The following EVI2B variants were observed in gnomAD, a reference collection of about 807,000 sequenced individuals.
The protein encoded by EVI2B is protein EVI2B.
Under a neutral mutation model 6.6 loss-of-function variants are expected in EVI2B, and 4 were observed. That is an observed-to-expected ratio of 0.61 (90% CI 0.30 to 1.39). EVI2B has a LOEUF of 1.39. Ranked by LOEUF, EVI2B falls within the 40% of genes most tolerant of loss-of-function variation. EVI2B has a pLI of 0.08. For missense variants in EVI2B, 484 were observed against 516.6 expected (o/e 0.94, Z 0.61); for synonymous variants, 181 against 186.8 (o/e 0.97, Z 0.25).
chr17:31,307,773 G>A, intron 1 of EVI2B: 2 of 609,750 alleles, frequency 3.3e-6, no homozygotes, highest in East Asian at 6.8e-5. Context: ...AAAATCTTAG[G>A]GTGTTAGATA....
chr17:31,309,074 A>G (rs1342900344), intron 1 of EVI2B, among the ~76,000 whole-genome samples: 18 of 152,198 alleles, frequency 1.2e-4, no homozygotes, highest in Admixed American at 1.0e-3. Context: ...TTATTTACAG[A>G]TAAAGAGACA....
In EVI2B at chr17:31,304,551, G is replaced by C; in HGVS notation, c.1059C>G (p.Asn353Lys). 6.2e-7 allele frequency: 1 copy of C among 1,614,164 alleles called. No individual in the cohort carries two copies. The highest frequency in any genetic ancestry group is 8.5e-7 in the Non-Finnish European group (1 of 1,180,020). Residue 353 changes from asparagine to lysine, a missense_variant, in exon 2 of 2, where the codon AAC becomes AAG. Coordinates refer to ENST00000330927, the MANE Select transcript of EVI2B (RefSeq NM_006495.4). ...PLLDLEGQES[N>K]QSDKPTMTIV... ...TTGTCATTGTGGGTTTGTCAGATTG[G>C]TTACTTTCCTGTCCTTCCAAATCCA... is the stretch of plus-strand genomic sequence containing the variant.
intron 1 of EVI2B, among the ~76,000 whole-genome samples, chr17:31,310,211 A>G (rs759877763): frequency 8.5e-5 from 13 of 152,150 alleles, no homozygotes; most frequent in Non-Finnish European, 1.2e-4. Context: ...TAAAAAGGAG[A>G]TTTAGAATAA....
intron 1 of EVI2B, among the ~76,000 whole-genome samples, chr17:31,307,158 A>G (rs1420758974): frequency 6.6e-6 from 1 of 152,008 alleles, no homozygotes; most frequent in African/African-American, 2.4e-5. Context: ...AGTAGCTGGG[A>G]TTACAGGTAC....
intron 1 of EVI2B, among the ~76,000 whole-genome samples, chr17:31,306,309 A>G (rs1424520247): frequency 6.6e-6 from 1 of 151,580 alleles, no homozygotes; most frequent in Non-Finnish European, 1.5e-5. Context: ...TTATGCCACA[A>G]TTCCTAAACC....
intron 1 of EVI2B, among the ~76,000 whole-genome samples, chr17:31,311,379 G>T (rs1205130252): frequency 2.6e-5 from 4 of 152,272 alleles, no homozygotes; most frequent in Non-Finnish European, 5.9e-5. Flanking sequence ...GATTTGGAGA[G>T]CATATCCTAG....
At chr17:31,312,616 A>C (rs2068907741) in intron 1 of EVI2B, among the ~76,000 whole-genome samples, 1 of 152,134 alleles carries the variant, frequency 6.6e-6, no homozygotes, top group Non-Finnish European at 1.5e-5. Context: ...AGTGAAAAAA[A>C]TTTAATATAA....
In EVI2B at chr17:31,305,190, C is replaced by G. The variant is rs748149011; in HGVS notation, c.420G>C (p.Lys140Asn). 39 of 1,613,924 alleles carry G rather than the reference C, an allele frequency of 2.4e-5. No homozygotes were observed. Among genetic ancestry groups the G allele is most frequent in the Non-Finnish European group, 3.3e-5 (39 of 1,180,020 alleles). Residue 140 changes from lysine (K) to asparagine (N), a missense_variant, in exon 2 of 2, where the codon AAG (lysine) becomes AAC (asparagine). Lys to Asn is a moderately conservative substitution (Grantham distance 94). Transcript: ENST00000330927. ...SARTSTTQPP[K>N]SFVYTFTQQS... ...GTTGAGTAAAAGTATAGACAAATGACTTTGGTGGTTGTGTGGTAGAAGTAC... is the reference window on the plus strand; with the variant it reads ...GTTGAGTAAAAGTATAGACAAATGAGTTTGGTGGTTGTGTGGTAGAAGTAC...
At chr17:31,312,657 T>C (rs1054747152) in intron 1 of EVI2B, among the ~76,000 whole-genome samples, 3 of 151,960 alleles carry the variant, frequency 2.0e-5, no homozygotes, top group Non-Finnish European at 4.4e-5. Context: ...TGAAATAAAC[T>C]AAATATTAGA....
At chr17:31,306,833 T>C (rs2068736238) in intron 1 of EVI2B, among the ~76,000 whole-genome samples, 1 of 150,108 alleles carries the variant, frequency 6.7e-6, no homozygotes, top group Non-Finnish European at 1.5e-5. Context: ...TGCCTTTAAG[T>C]GTTTCAGATT....
chr17:31,310,470 G>A (rs1249826999), intron 1 of EVI2B, among the ~76,000 whole-genome samples: 2 of 152,128 alleles, frequency 1.3e-5, no homozygotes, highest in African/African-American at 4.8e-5. Context: ...AGAAGCAACG[G>A]CAAAATGCTG....
rs1166925564 is a variant in EVI2B, at chr17:31,304,002, TA to T, written c.*260del. On this transcript the variant is annotated 3_prime_UTR_variant, in exon 2 of 2. Transcript: ENST00000330927. ...TATATGTAGATTGTTTCAGAGTTCT[TA>T]AATTATTGAAACATACCATTTACAT... 8 of 300,136 alleles carry T rather than the reference TA, an allele frequency of 2.7e-5. No individual in the cohort carries two copies. The highest frequency in any genetic ancestry group is 1.7e-4 in the African/African-American group (8 of 46,094). 18.6% of individuals were successfully genotyped at this position (300,136 alleles called of 1,614,324 possible).
At chr17:31,309,567 C>A (rs1489235568) in intron 1 of EVI2B, among the ~76,000 whole-genome samples, 1 of 152,134 alleles carries the variant, frequency 6.6e-6, no homozygotes, top group Non-Finnish European at 1.5e-5. Flanking sequence ...TTTTAAAAAT[C>A]TGTTTTAATG....
intron 1 of EVI2B, among the ~76,000 whole-genome samples, chr17:31,311,750 T>C (rs2068882344): frequency 6.6e-6 from 1 of 152,204 alleles, no homozygotes; most frequent in African/African-American, 2.4e-5. Context: ...CAGCTCTAAG[T>C]AGTGGCACTA....
chr17:31,311,925 C>T (rs1362968586), intron 1 of EVI2B, among the ~76,000 whole-genome samples: 1 of 152,034 alleles, frequency 6.6e-6, no homozygotes, highest in Admixed American at 6.5e-5. Flanking sequence ...TGTAGGTAGT[C>T]TTAGATAAAG....
In EVI2B at chr17:31,304,496, T is replaced by C. The variant is rs1275599207; in HGVS notation, c.1114A>G (p.Ser372Gly). ...IVSPLPNDST[S>G]LPPSLDCLNQ... ...AGACAGTCCAGAGATGGAGGGAGACTAGTAGAATCATTTGGAAGAGGAGAT... is the reference window on the plus strand; with the variant it reads ...AGACAGTCCAGAGATGGAGGGAGACCAGTAGAATCATTTGGAAGAGGAGAT... The change falls in exon 2 of 2, where the codon AGT (serine) becomes GGT (glycine). Residue 372 changes from serine to glycine, a missense_variant. Physicochemically the swap from Ser to Gly is moderately conservative, Grantham distance 56. Coordinates refer to ENST00000330927, the MANE Select transcript of EVI2B (RefSeq NM_006495.4). The C allele has an allele frequency of 1.9e-6, 3 of 1,614,014 alleles. No individual in the cohort carries two copies. The highest frequency in any genetic ancestry group is 4.5e-5 in the East Asian group (2 of 44,894).
intron 1 of EVI2B, among the ~76,000 whole-genome samples, chr17:31,313,394 T>C (rs932247663): frequency 6.6e-6 from 1 of 152,256 alleles, no homozygotes; most frequent in East Asian, 1.9e-4. Context: ...TTTTTAATTC[T>C]AAAACTAAGG....
Position 31,304,427 on chromosome 17 carries a change from A to G in EVI2B, c.1183T>C (p.Phe395Leu). The G allele has an allele frequency of 1.9e-6, 3 of 1,614,162 alleles. No individual in the cohort carries two copies. Among genetic ancestry groups the G allele is most frequent in the Non-Finnish European group, 2.5e-6 (3 of 1,180,008 alleles). ...AAGTTAAGTGAGTCAAGCGGTGGAA[A>G]TGATTGTATTATCTCAGATTTATGA... is the stretch of plus-strand genomic sequence containing the variant. ...GDHKSEIIQS[F>L]PPLDSLNLPL... The change falls in exon 2 of 2, where the codon TTT (phenylalanine) becomes CTT (leucine). Residue 395 changes from phenylalanine to leucine, a missense_variant. Transcript: ENST00000330927.
chr17:31,305,655 GA>G (rs1269838748), intron 1 of EVI2B, 25 bp from the exon 2 acceptor site: 2 of 1,561,246 alleles, frequency 1.3e-6, no homozygotes, highest in Non-Finnish European at 1.7e-6. Flanking sequence ...TAATGAAAGA[GA>G]AAGACAGTTA....
Sources: gnomAD v4.1 joint callset for allele counts (sites outside exome capture counted in the v4.1 genomes callset) on GRCh38, gnomAD v4.1.1 for gene constraint, MANE v1.5 for transcripts, NCBI Gene and HGNC (gene_info 2026-07-23, HGNC 2026-07-21) for gene names.